IQCM: variants seen among roughly 807,000 people sequenced by gnomAD.
IQCM encodes the protein IQ domain-containing protein M.
In IQCM, 45 loss-of-function variants were observed where a neutral mutation model predicts 57.6. The observed-to-expected ratio is 0.78, with a 90% CI of 0.62 to 1.00. The LOEUF (loss-of-function observed/expected upper bound fraction) is 1.00. Ranked by LOEUF, IQCM falls within the 50% of genes least tolerant of loss-of-function variation. The pLI, the probability that IQCM is intolerant of heterozygous loss-of-function variation, is 0.00. For missense variants in IQCM, 468 were observed against 511.6 expected (o/e 0.91, Z 0.82); for synonymous variants, 148 against 158.9 (o/e 0.93, Z 0.51).
At chr4:149,436,724 G>A (rs1291687623) in intron 12 of IQCM, among the ~76,000 whole-genome samples, 3 of 151,788 alleles carry the variant, frequency 2.0e-5, no homozygotes, top group Non-Finnish European at 2.9e-5. Context: ...CTTCTTTTTC[G>A]ATATACTAAG....
intron 12 of IQCM, among the ~76,000 whole-genome samples, chr4:149,446,410 A>G (rs1385126781): frequency 6.6e-6 from 1 of 151,778 alleles, no homozygotes; most frequent in Non-Finnish European, 1.5e-5. Context: ...AAATATGAAT[A>G]ATACTTAAAT....
intron 2 of IQCM, among the ~76,000 whole-genome samples, chr4:149,768,843 A>C (rs763303795): frequency 6.6e-6 from 1 of 152,078 alleles, no homozygotes; most frequent in Non-Finnish European, 1.5e-5. Flanking sequence ...TGAACAAAAA[A>C]GCTGACAAAC....
intron 2 of IQCM, among the ~76,000 whole-genome samples, chr4:149,772,265 A>C (rs1473322140): frequency 6.6e-6 from 1 of 152,220 alleles, no homozygotes; most frequent in East Asian, 1.9e-4. Flanking sequence ...ATGGAATATT[A>C]CACATAACTT....
intron 13 of IQCM, among the ~76,000 whole-genome samples, chr4:149,412,963 T>A (rs1378677875): frequency 3.3e-5 from 5 of 152,130 alleles, no homozygotes; most frequent in Non-Finnish European, 7.4e-5. Flanking sequence ...AGGATCAGAC[T>A]GTGAAGGAGT....
intron 8 of IQCM, among the ~76,000 whole-genome samples, chr4:149,617,787 T>C (rs1359654545): frequency 6.6e-6 from 1 of 151,922 alleles, no homozygotes; most frequent in Non-Finnish European, 1.5e-5. Flanking sequence ...CACTGAGGAA[T>C]ACATTTAAGC....
At position 149,517,789 on chromosome 4, in the gene IQCM, A is replaced by T. The variant is rs147852629; in HGVS notation, c.1228+30666T>A. 5.3e-5 allele frequency among the ~76,000 whole-genome samples: 8 copies of T among 152,286 alleles called. No individual in the cohort carries two copies. In the East Asian group the frequency reaches 1.5e-3, roughly 29 times the overall value. ...AAAGGCTAGACTGGCTTAGCCTTCC[A>T]GGATAGGTCTTTGTCCTGTGCTGGA... On this transcript the variant is annotated intron_variant, in intron 12 of 13. Transcript: ENST00000636793.
chr4:149,675,876 A>G (rs1761706825), intron 7 of IQCM, among the ~76,000 whole-genome samples: 1 of 152,016 alleles, frequency 6.6e-6, no homozygotes, highest in African/African-American at 2.4e-5. Flanking sequence ...CTAACTTTTT[A>G]TCTCTTTGAG....
intron 7 of IQCM, among the ~76,000 whole-genome samples, chr4:149,639,616 T>A (rs1468541326): frequency 2.0e-5 from 3 of 152,044 alleles, no homozygotes; most frequent in Non-Finnish European, 2.9e-5. Context: ...AAAGATACTT[T>A]CTTAATTTAA....
intron 7 of IQCM, among the ~76,000 whole-genome samples, chr4:149,633,021 C>T (rs1317837171): frequency 6.7e-6 from 1 of 148,760 alleles, no homozygotes; most frequent in African/African-American, 2.5e-5. Context: ...ATTAGCCGGG[C>T]GCGGTGGCGG....
intron 5 of IQCM, among the ~76,000 whole-genome samples, chr4:149,701,107 T>C (rs918671638): frequency 3.3e-5 from 5 of 151,948 alleles, no homozygotes; most frequent in Non-Finnish European, 7.4e-5. Flanking sequence ...ACAGGTACAT[T>C]TATAGGATCA....
chr4:149,689,528 G>T (rs1035113554), intron 5 of IQCM, among the ~76,000 whole-genome samples: 4 of 151,810 alleles, frequency 2.6e-5, no homozygotes, highest in Non-Finnish European at 5.9e-5. Context: ...ATGTACCCCA[G>T]AACTTAAAGT....
intron 5 of IQCM, among the ~76,000 whole-genome samples, chr4:149,687,588 T>C (rs764079510): frequency 3.3e-5 from 5 of 151,728 alleles, no homozygotes; most frequent in South Asian, 2.1e-4. Context: ...GAGTGAACCC[T>C]AATTCATTCT....
In IQCM at chr4:149,354,380, A is replaced by AAAAAAAAAAC. The variant is rs1553953456; in HGVS notation, c.1391-2324_1391-2315dup. 5.3e-5 allele frequency among the ~76,000 whole-genome samples: 7 copies of AAAAAAAAAAC among 131,348 alleles called. 2 individuals are homozygous for AAAAAAAAAAC. Among genetic ancestry groups the AAAAAAAAAAC allele is most frequent in the Non-Finnish European group, 9.5e-5 (6 of 63,484 alleles). 86.2% of individuals were successfully genotyped at this position (131,348 alleles called of 152,430 possible). On this transcript the variant is annotated intron_variant, in intron 13 of 13. Coordinates refer to ENST00000636793, the MANE Select transcript of IQCM (RefSeq NM_001363507.2). Reference sequence around the variant, plus strand: ...CTCCGTCTCAAAAAAAAAAAAAAAAAAAAAAAAAACTGACAAATTAGGCCA... The same window carrying AAAAAAAAAAC: ...CTCCGTCTCAAAAAAAAAAAAAAAAAAAAAAAAAACAAAAAAAAACTGACAAATTAGGCCA...
chr4:149,768,361 G>T (rs535335088), intron 2 of IQCM, among the ~76,000 whole-genome samples: 104 of 152,098 alleles, frequency 6.8e-4, no homozygotes, highest in Middle Eastern at 3.4e-3. Context: ...TACTTTCTAG[G>T]TAGATCACTT....
At chr4:149,651,916 A>G (rs1262301375) in intron 7 of IQCM, among the ~76,000 whole-genome samples, 1 of 152,196 alleles carries the variant, frequency 6.6e-6, no homozygotes, top group Admixed American at 6.5e-5. Context: ...ATTTAGAAAA[A>G]GAAATACCAT....
chr4:149,791,059 A>C (rs1160153407), intron 2 of IQCM, among the ~76,000 whole-genome samples: 1 of 152,180 alleles, frequency 6.6e-6, no homozygotes, highest in Non-Finnish European at 1.5e-5. Flanking sequence ...GTTTATAGAT[A>C]ATCAGACCTT....
intron 12 of IQCM, among the ~76,000 whole-genome samples, chr4:149,475,922 A>T (rs2149739571): frequency 6.6e-6 from 1 of 152,228 alleles, no homozygotes; most frequent in Admixed American, 6.5e-5. Flanking sequence ...CAGAGAGAAT[A>T]AGATGTGAGG....
intron 2 of IQCM, among the ~76,000 whole-genome samples, chr4:149,793,443 A>T (rs775491329): frequency 6.6e-6 from 1 of 152,138 alleles, no homozygotes; most frequent in Admixed American, 6.6e-5. Flanking sequence ...GCTTCTGACT[A>T]TCTTTATCCT....
chr4:149,709,831 C>T (rs1353785319), intron 5 of IQCM, among the ~76,000 whole-genome samples: 1 of 152,118 alleles, frequency 6.6e-6, no homozygotes, highest in Non-Finnish European at 1.5e-5. Flanking sequence ...ACAGAAGCTG[C>T]TCCTGCAAGG....
Sources: gnomAD v4.1 joint callset for allele counts (sites outside exome capture counted in the v4.1 genomes callset) on GRCh38, gnomAD v4.1.1 for gene constraint, MANE v1.5 for transcripts, NCBI Gene and HGNC (gene_info 2026-07-23, HGNC 2026-07-21) for gene names.